The following KRT86 variants were observed in gnomAD, a reference collection of about 807,000 sequenced individuals.
KRT86 encodes the protein keratin 86.
Under a neutral mutation model 41.2 loss-of-function variants are expected in KRT86, and 30 were observed. The ratio of observed to expected loss-of-function variants is 0.73; its 90% CI spans 0.54 to 0.99. KRT86 has a LOEUF of 0.99. Ranked by LOEUF, KRT86 falls within the 50% of genes least tolerant of loss-of-function variation. The pLI is 0.00. For missense variants in KRT86, 561 were observed against 571.4 expected, an observed-to-expected ratio of 0.98 and a Z score of 0.19; for synonymous variants, 238 against 238.1, an observed-to-expected ratio of 1.00 and a Z score of 0.00.
At chr12:52,299,695 T>C (rs1002605068) in intron 2 of KRT86, among the ~76,000 whole-genome samples, 2 of 152,250 alleles carry the variant, frequency 1.3e-5, no homozygotes, top group Non-Finnish European at 2.9e-5. Context: ...TCTTTGATGA[T>C]ATGTTGAGCA....
intron 9 of KRT86, among the ~76,000 whole-genome samples, chr12:52,308,007 G>A (rs1357230875): frequency 2.0e-5 from 3 of 152,250 alleles, no homozygotes; most frequent in Admixed American, 1.3e-4. Flanking sequence ...GGCCCAAGCT[G>A]GGGTTGCACA....
chr12:52,306,287 C>T lies in KRT86; in HGVS notation c.1247+7C>T. ...TGGAGGGCGAGGAGCAGAGGTGGGT[C>T]CCATAGACCTTTCCCTTTCCCAGCC... On this transcript the variant is annotated splice_region_variant and intron_variant, in intron 9 of 10. Coordinates refer to ENST00000423955, the MANE Select transcript of KRT86 (RefSeq NM_001320198.2). 1 of 1,613,274 alleles carries T rather than the reference C, an allele frequency of 6.2e-7. No individual in the cohort carries two copies. Among genetic ancestry groups the T allele is most frequent in the South Asian group, 1.1e-5 (1 of 91,028 alleles).
Position 52,302,280 on chromosome 12 carries a change from G to A in KRT86, c.364G>A (p.Asp122Asn), listed in dbSNP as rs1374184945. 8.6e-6 allele frequency: 6 copies of A among 699,016 alleles called. No homozygotes were observed. Among genetic ancestry groups the A allele is most frequent in the East Asian group, 2.9e-5 (1 of 34,422 alleles). The allele number at this position is 699,016 out of a possible 1,614,324, so 43.3% of individuals were successfully genotyped here. ...SLNSRFAAFI[D>N]KVRFLEQQNK... is the part of the protein sequence containing the mutation. ...CAACAGCAGGTTCGCGGCCTTCATC[G>A]ACAAGGTGGGTGTCCTGGATCACAC... The change falls in exon 3 of 11, where the codon GAC (aspartate) becomes AAC (asparagine). Residue 122 changes from aspartate (D) to asparagine (N), a missense_variant. Asp to Asn is a conservative substitution (Grantham distance 23). Transcript: ENST00000423955.
At chr12:52,288,577 C>T (rs1459214775) in intron 2 of KRT86, 3 of 1,152,838 alleles carry the variant, frequency 2.6e-6, no homozygotes, top group African/African-American at 1.5e-5. Flanking sequence ...CATTCCCATG[C>T]CTTTCCTCCC....
intron 2 of KRT86, chr12:52,286,293 C>A: frequency 6.4e-7 from 1 of 1,554,444 alleles, no homozygotes; most frequent in Non-Finnish European, 8.7e-7. Flanking sequence ...GACCCCACAC[C>A]CAGGGAGCTG....
At chr12:52,299,125 TGGTA>T in intron 2 of KRT86, among the ~76,000 whole-genome samples, 1 of 152,216 alleles carries the variant, frequency 6.6e-6, no homozygotes. Context: ...TCCCAGCCTC[TGGTA>T]ACCATCATTC....
chr12:52,305,110 A>G, intron 6 of KRT86, 83 bp downstream of exon 6: 9 of 1,604,742 alleles, frequency 5.6e-6, no homozygotes, highest in Non-Finnish European at 6.8e-6. Flanking sequence ...GGATGTGGGT[A>G]GAGGTTGCAG....
Position 52,287,546 on chromosome 12 carries a change from C to A in KRT86, c.-5+11600C>A, listed in dbSNP as rs566024232. 10 of 1,613,908 alleles carry A rather than the reference C, an allele frequency of 6.2e-6. No individual in the cohort carries two copies. In the South Asian group the frequency reaches 1.1e-4, roughly 18 times the overall value. On this transcript the variant is annotated intron_variant, in intron 2 of 10. Coordinates refer to ENST00000423955, the MANE Select transcript of KRT86 (RefSeq NM_001320198.2). ...GGTAGGGCACACATAGGCTGTGTGA[C>A]AATGGTTAGGCCCTCGGTCTCTCTG...
At chr12:52,299,953 T>A (rs1314536384) in intron 2 of KRT86, among the ~76,000 whole-genome samples, 1 of 152,226 alleles carries the variant, frequency 6.6e-6, no homozygotes, top group East Asian at 1.9e-4. Flanking sequence ...CTCGATGTGA[T>A]CCCATTTGCC....
chr12:52,287,589 C>T (rs1466276500), intron 2 of KRT86: 1 of 1,613,754 alleles, frequency 6.2e-7, no homozygotes. Flanking sequence ...GCACAGATGC[C>T]CCATACCTGG....
intron 9 of KRT86, among the ~76,000 whole-genome samples, chr12:52,307,915 A>C (rs1938553026): frequency 6.6e-6 from 1 of 152,246 alleles, no homozygotes; most frequent in African/African-American, 2.4e-5. Flanking sequence ...GGCACTAAGC[A>C]CTGGACGCTT....
At chr12:52,292,649 A>G (rs1403856552) in intron 2 of KRT86, among the ~76,000 whole-genome samples, 2 of 150,602 alleles carry the variant, frequency 1.3e-5, no homozygotes, top group Non-Finnish European at 3.0e-5. Context: ...AGTGCATATA[A>G]AGAACACTTC....
chr12:52,305,620 GA>G (rs1387134768), intron 7 of KRT86, 42 bp from the exon 8 acceptor site: 2 of 1,613,884 alleles, frequency 1.2e-6, no homozygotes, highest in African/African-American at 2.7e-5. Context: ...GAATGGGTGG[GA>G]GGTCCCACCC....
chr12:52,308,184 G>GC, intron 9 of KRT86, 49 bp from the exon 10 acceptor site: 1 of 1,613,516 alleles, frequency 6.2e-7, no homozygotes, highest in South Asian at 1.1e-5. Flanking sequence ...AGTCACGGGG[G>GC]CCCGGCGCCT....
chr12:52,292,221 A>G (rs1938147217), intron 2 of KRT86, among the ~76,000 whole-genome samples: 1 of 152,228 alleles, frequency 6.6e-6, no homozygotes, highest in African/African-American at 2.4e-5. Context: ...ATTATACCAT[A>G]TTTGCTTTCA....
Position 52,288,601 on chromosome 12 carries a change from T to C in KRT86, c.-5+12655T>C, listed in dbSNP as rs1938043882. 6.9e-6 allele frequency: 7 copies of C among 1,011,884 alleles called. No homozygotes were observed. The South Asian group carries it at 7.7e-5, about 11-fold the overall frequency. The allele number at this position is 1,011,884 out of a possible 1,614,324, so 62.7% of individuals were successfully genotyped here. ...GCCTTTCCTCCCCTTCTGCCCTTCC[T>C]GGGATGAGCTGGCATCCTCTGTCCC... On this transcript the variant is annotated intron_variant, in intron 2 of 10. Transcript: ENST00000423955.
Position 52,309,056 on chromosome 12 carries a change from C to T in KRT86, c.*471C>T, listed in dbSNP as rs1938584713. On this transcript the variant is annotated 3_prime_UTR_variant, in exon 11 of 11. Transcript: ENST00000423955. ...CCCACGCGTGTGGGGAGAACATCTCCCTTCCGGGGCTGCCCTCAAGAGCTT... is the reference window on the plus strand; with the variant it reads ...CCCACGCGTGTGGGGAGAACATCTCTCTTCCGGGGCTGCCCTCAAGAGCTT... 1 of 160,126 alleles carries T rather than the reference C, an allele frequency of 6.2e-6. No individual in the cohort carries two copies. Among genetic ancestry groups the T allele is most frequent in the Non-Finnish European group, 1.4e-5 (1 of 73,430 alleles). 9.9% of individuals were successfully genotyped at this position (160,126 alleles called of 1,614,324 possible).
Position 52,305,398 on chromosome 12 carries a change from C to G in KRT86, c.894C>G (p.Arg298=), listed in dbSNP as rs534563196. The G allele has an allele frequency of 6.2e-7, 1 of 1,614,150 alleles. No individual in the cohort carries two copies. The highest frequency in any genetic ancestry group is 1.3e-5 in the African/African-American group (1 of 75,068). Residue 298 remains arginine, a synonymous_variant, in exon 7 of 11, where the codon CGC becomes CGG. Transcript: ENST00000423955. ...GGGCTGAGGCCGAGTCCTGGTACCG[C>G]AGCAAGGTGAGTGGCACAGGACACC... ...RSRAEAESWY[R]SKCEEMKATV... is the part of the protein sequence containing the mutation.
chr12:52,305,932 C>T (rs2121313319), intron 8 of KRT86, 128 bp from the exon 9 acceptor site: 3 of 1,571,940 alleles, frequency 1.9e-6, no homozygotes, highest in Non-Finnish European at 2.6e-6. Flanking sequence ...TCTGTGAGTC[C>T]CAGGTGATGA....
Sources: gnomAD v4.1 joint callset for allele counts (sites outside exome capture counted in the v4.1 genomes callset) on GRCh38, gnomAD v4.1.1 for gene constraint, MANE v1.5 for transcripts, NCBI Gene and HGNC (gene_info 2026-07-23, HGNC 2026-07-21) for gene names.